Variants in CNOT10 observed in about 807,000 individuals in gnomAD.
CNOT10 encodes the protein CCR4-NOT transcription complex, subunit 10.
In CNOT10, 30 loss-of-function variants were observed where a neutral mutation model predicts 94.6. The ratio of observed to expected loss-of-function variants is 0.32; its 90% CI spans 0.24 to 0.43. The LOEUF is 0.43. Ranked by LOEUF, CNOT10 falls within the 20% of genes least tolerant of loss-of-function variation. CNOT10 has a pLI of 1.00. For synonymous variants in CNOT10, 289 were observed against 301.6 expected (o/e 0.96, Z 0.43); for missense variants, 759 against 877.2 (o/e 0.87, Z 1.70).
chr3:32,768,224 C>T (rs189506570), intron 17 of CNOT10, among the ~76,000 whole-genome samples: 7 of 152,038 alleles, frequency 4.6e-5, no homozygotes, highest in Admixed American at 2.6e-4. Context: ...AGACTGTGGT[C>T]ATTGAAAAAA....
intron 8 of CNOT10, among the ~76,000 whole-genome samples, chr3:32,722,931 T>C (rs1296939840): frequency 6.6e-6 from 1 of 152,170 alleles, no homozygotes; most frequent in Non-Finnish European, 1.5e-5. Context: ...AGTCTAGTTT[T>C]CCTCTTTTAA....
Position 32,732,250 on chromosome 3 carries a change from TGTG to T in CNOT10, c.1216-1169_1216-1167del, listed in dbSNP as rs551150265. Among the ~76,000 whole-genome samples, 32 of 150,488 alleles carry T rather than the reference TGTG, an allele frequency of 2.1e-4. No homozygotes were observed. The East Asian group carries it at 5.9e-3, about 28-fold the overall frequency. On this transcript the variant is annotated intron_variant, in intron 10 of 18. Coordinates refer to ENST00000328834, the MANE Select transcript of CNOT10 (RefSeq NM_015442.3). ...TACTAAAATACAAAAATTAGCCAGG[TGTG>T]GTGACAGGCGCCTGTAATCCTAGCT...
chr3:32,710,372 A>G (rs1338323050), intron 4 of CNOT10, among the ~76,000 whole-genome samples: 1 of 151,102 alleles, frequency 6.6e-6, no homozygotes, highest in African/African-American at 2.4e-5. Flanking sequence ...TTCCTCTTGT[A>G]CAGAGATTTC....
At chr3:32,707,618 A>G (rs1053842109) in intron 3 of CNOT10, among the ~76,000 whole-genome samples, 1 of 152,116 alleles carries the variant, frequency 6.6e-6, no homozygotes, top group Non-Finnish European at 1.5e-5. Flanking sequence ...AGCCTGGCCA[A>G]CATGGTGAAA....
At chr3:32,705,199 T>C (rs1437399584) in intron 3 of CNOT10, among the ~76,000 whole-genome samples, 1 of 152,182 alleles carries the variant, frequency 6.6e-6, no homozygotes, top group Admixed American at 6.5e-5. Context: ...AATAGACTAA[T>C]ATACCAAATT....
At chr3:32,750,193 C>T (rs1202619886) in intron 13 of CNOT10, among the ~76,000 whole-genome samples, 1 of 152,022 alleles carries the variant, frequency 6.6e-6, no homozygotes, top group African/African-American at 2.4e-5. Flanking sequence ...AAGAGCTAGA[C>T]ACTGTGTCAA....
chr3:32,687,455 T>TG (rs1428343456), intron 1 of CNOT10, among the ~76,000 whole-genome samples: 2,088 of 89,448 alleles, frequency 0.023, 77 homozygotes, highest in South Asian at 0.063. Flanking sequence ...TTTTTTTGTT[T>TG]TTTTTTTTTT....
chr3:32,767,138 C>T (rs868849033), intron 17 of CNOT10, among the ~76,000 whole-genome samples: 3 of 152,168 alleles, frequency 2.0e-5, no homozygotes, highest in African/African-American at 4.8e-5. Context: ...TCAAATGGTA[C>T]ATTCTCCAGC....
At chr3:32,747,766 G>A (rs1201068138) in intron 13 of CNOT10, among the ~76,000 whole-genome samples, 1 of 152,048 alleles carries the variant, frequency 6.6e-6, no homozygotes, top group Non-Finnish European at 1.5e-5. Context: ...TGGCCAACAT[G>A]GTGAAACCCC....
chr3:32,710,418 C>T (rs187571011), intron 4 of CNOT10, among the ~76,000 whole-genome samples: 1 of 151,830 alleles, frequency 6.6e-6, no homozygotes, highest in South Asian at 2.1e-4. Context: ...CCATAGCCTC[C>T]CTCATTACCA....
intron 13 of CNOT10, among the ~76,000 whole-genome samples, chr3:32,754,710 C>T (rs538845753): frequency 0.011 from 1,605 of 146,954 alleles, 12 homozygotes; most frequent in Middle Eastern, 0.018. Context: ...TTGGTAGAGA[C>T]GGGGTTTCGC....
intron 10 of CNOT10, 50 bp from the exon 11 acceptor site, chr3:32,733,373 C>T: frequency 2.2e-6 from 3 of 1,359,096 alleles, no homozygotes; most frequent in Non-Finnish European, 3.0e-6. Context: ...TTTTTTATAC[C>T]ACATCTTACA....
Position 32,734,942 on chromosome 3 carries a change from A to G in CNOT10, c.1480A>G (p.Asn494Asp). The G allele has an allele frequency of 6.2e-7, 1 of 1,614,074 alleles. No homozygotes were observed. The highest frequency in any genetic ancestry group is 8.5e-7 in the Non-Finnish European group (1 of 1,179,942). The change falls in exon 12 of 19, where the codon AAC becomes GAC. Residue 494 changes from asparagine (N) to aspartate (D), a missense_variant. By Grantham distance (23) the Asn-to-Asp change is conservative. This residue lies in a region of CNOT10 where 682 missense variants were observed against 799.4 expected (regional missense o/e 0.85). Coordinates refer to ENST00000328834, the MANE Select transcript of CNOT10 (RefSeq NM_015442.3). Reference sequence around the variant, plus strand: ...TAAAAATAGTAATCAATTAGGTGGGAACACAGAGAGCAGCGAAAGCAGTGA... The same window carrying G: ...TAAAAATAGTAATCAATTAGGTGGGGACACAGAGAGCAGCGAAAGCAGTGA... The part of the protein sequence containing the change: ...GAKNSNQLGG[N>D]TESSESSETC...
intron 13 of CNOT10, among the ~76,000 whole-genome samples, chr3:32,751,249 C>T (rs986731404): frequency 1.3e-5 from 2 of 152,076 alleles, no homozygotes; most frequent in Non-Finnish European, 2.9e-5. Flanking sequence ...TACAGATGTG[C>T]ACCACCATGC....
chr3:32,729,760 CTTTTTTTTTTT>C (rs10590243), intron 10 of CNOT10, among the ~76,000 whole-genome samples: 26 of 71,766 alleles, frequency 3.6e-4, no homozygotes, highest in African/African-American at 1.3e-3. Context: ...ATTTATACTT[CTTTTTTTTTTT>C]TTTTTTTTTT....
At position 32,733,454 on chromosome 3, in the gene CNOT10, G is replaced by A; in HGVS notation, c.1247G>A (p.Ser416Asn). The stretch of plus-strand genomic sequence containing the variant: ...GAACAAGAAACTAAAGGCCTTCCCA[G>A]CAAAAAAGGAATTGTACAGTCTATT... ...TSEQETKGLP[S>N]KKGIVQSIVG... Residue 416 changes from serine to asparagine, a missense_variant, in exon 11 of 19, where the codon AGC becomes AAC. Ser to Asn is a conservative substitution (Grantham distance 46). This residue lies in a region of CNOT10 where 682 missense variants were observed against 799.4 expected (regional missense o/e 0.85). Transcript: ENST00000328834. 6.3e-7 allele frequency: 1 copy of A among 1,595,740 alleles called. No individual in the cohort carries two copies.
At chr3:32,745,263 A>G (rs977799021) in intron 13 of CNOT10, among the ~76,000 whole-genome samples, 1 of 152,016 alleles carries the variant, frequency 6.6e-6, no homozygotes, top group African/African-American at 2.4e-5. Flanking sequence ...GTCATACTGT[A>G]TTGGTTTTTA....
chr3:32,707,917 G>C (rs146795766), intron 3 of CNOT10, among the ~76,000 whole-genome samples: 2 of 152,114 alleles, frequency 1.3e-5, no homozygotes, highest in Non-Finnish European at 2.9e-5. Context: ...ACAGAGTCTC[G>C]CTGTGTTGTT....
At position 32,733,558 on chromosome 3, in the gene CNOT10, A is replaced by G. The variant is rs1575259950; in HGVS notation, c.1337+14A>G. ...TACTGTTTATAAGTAAGTATTTTGC[A>G]AAGAAAAAGTGTATATATATTTAAT... On this transcript the variant is annotated intron_variant, in intron 11 of 18. Coordinates refer to ENST00000328834, the MANE Select transcript of CNOT10 (RefSeq NM_015442.3). 6.7e-7 allele frequency: 1 copy of G among 1,490,318 alleles called. No homozygotes were observed. Among genetic ancestry groups the G allele is most frequent in the African/African-American group, 1.4e-5 (1 of 70,972 alleles). The allele number at this position is 1,490,318 out of a possible 1,614,324, so 92.3% of individuals were successfully genotyped here. A position where few individuals can be genotyped will look rare whatever the true frequency, so the allele number is the denominator to read the frequency against.
Sources: allele counts gnomAD v4.1 joint callset (sites outside exome capture counted in the v4.1 genomes callset), GRCh38; gene constraint gnomAD v4.1.1; regional missense constraint gnomAD v4.1.1; transcripts MANE v1.5; gene names NCBI Gene and HGNC (gene_info 2026-07-23, HGNC 2026-07-21).